The following CDH11 variants were observed in gnomAD, a reference collection of about 807,000 sequenced individuals.
CDH11 encodes the protein cadherin 11.
In CDH11, 11 loss-of-function variants were observed where a neutral mutation model predicts 67.8. The observed-to-expected ratio is 0.16, with a 90% confidence interval of 0.10 to 0.27. CDH11 has a LOEUF of 0.27. CDH11 is among the 10% of genes least tolerant of loss of function. The probability of loss-of-function intolerance (pLI) is 1.00; values close to 1 mark genes in which losing one functional copy is unlikely to be tolerated. For missense variants in CDH11, 847 were observed against 1,031.2 expected (o/e 0.82, Z 2.45); for synonymous variants, 419 against 400.0 (o/e 1.05, Z -0.57).
At chr16:64,991,744 T>C (rs2072633310) in intron 6 of CDH11, 24 bp downstream of exon 6, 1 of 1,587,076 alleles carries the variant, frequency 6.3e-7, no homozygotes, top group Non-Finnish European at 8.6e-7. Context: ...CATGGAAAAG[T>C]GAAAGCCAAG....
At chr16:65,046,355 T>C (rs1470249824) in intron 2 of CDH11, among the ~76,000 whole-genome samples, 1 of 152,136 alleles carries the variant, frequency 6.6e-6, no homozygotes, top group East Asian at 1.9e-4. Flanking sequence ...TGCTGAGCAC[T>C]TGAGGAGGCA....
chr16:64,982,323 T>G (rs200818571), intron 7 of CDH11, 22 bp from the exon 8 acceptor site: 1 of 1,586,680 alleles, frequency 6.3e-7, no homozygotes, highest in Non-Finnish European at 8.6e-7. Flanking sequence ...GAAGAGAAGA[T>G]TGACAACCAA....
intron 1 of CDH11, among the ~76,000 whole-genome samples, chr16:65,102,105 T>A (rs1010143369): frequency 6.6e-6 from 1 of 152,212 alleles, no homozygotes; most frequent in East Asian, 1.9e-4. Context: ...TTTTGCCCAA[T>A]GATTGCAAGT....
intron 3 of CDH11, among the ~76,000 whole-genome samples, chr16:65,003,996 G>A (rs1304662952): frequency 6.6e-6 from 1 of 152,190 alleles, no homozygotes; most frequent in Admixed American, 6.5e-5. Context: ...GGTGTGGTCA[G>A]GGAAATGCCT....
intron 1 of CDH11, among the ~76,000 whole-genome samples, chr16:65,114,172 C>G (rs2075204598): frequency 6.6e-6 from 1 of 152,150 alleles, no homozygotes; most frequent in Non-Finnish European, 1.5e-5. Flanking sequence ...AGGCTGTCAT[C>G]AGGACATTTA....
intron 3 of CDH11, among the ~76,000 whole-genome samples, chr16:65,004,414 A>G (rs1396520993): frequency 6.6e-6 from 1 of 152,184 alleles, no homozygotes; most frequent in African/African-American, 2.4e-5. Flanking sequence ...AACTCCCTAA[A>G]ACTAAATGGA....
chr16:65,040,240 A>G (rs533787126), intron 2 of CDH11, among the ~76,000 whole-genome samples: 2 of 152,350 alleles, frequency 1.3e-5, no homozygotes, highest in African/African-American at 2.4e-5. Flanking sequence ...ATGCTTCTAT[A>G]AAGACACATG....
chr16:65,008,724 C>A (rs1267334766), intron 2 of CDH11, among the ~76,000 whole-genome samples: 1 of 152,246 alleles, frequency 6.6e-6, no homozygotes, highest in African/African-American at 2.4e-5. Flanking sequence ...ACAATCACAA[C>A]TCTTGCCATT....
intron 2 of CDH11, among the ~76,000 whole-genome samples, chr16:65,036,414 G>A (rs1403938090): frequency 6.6e-6 from 1 of 152,006 alleles, no homozygotes; most frequent in African/African-American, 2.4e-5. Context: ...TTAATAGGAA[G>A]GTGCCTGCCA....
chr16:65,101,124 T>C (rs2074983706), intron 1 of CDH11, among the ~76,000 whole-genome samples: 1 of 152,252 alleles, frequency 6.6e-6, no homozygotes, highest in Admixed American at 6.5e-5. Context: ...AGAGGAACTA[T>C]GTTCTAATAA....
Position 65,049,066 on chromosome 16 carries a change from G to A in CDH11, c.-173+4738C>T, listed in dbSNP as rs1345561840. Among the ~76,000 whole-genome samples the A allele has an allele frequency of 2.0e-5, 3 of 152,066 alleles. No homozygotes were observed. The East Asian group carries it at 5.8e-4, about 29-fold the overall frequency. On this transcript the variant is annotated intron_variant, in intron 2 of 12. Transcript: ENST00000268603. ...GGGGACTCCAAAAAGGGAGGAGGAG[G>A]GTTGAAAAACTACTTATTGGGTATA...
chr16:65,115,064 A>T (rs891881688), intron 1 of CDH11, among the ~76,000 whole-genome samples: 2 of 152,220 alleles, frequency 1.3e-5, no homozygotes, highest in Non-Finnish European at 2.9e-5. Context: ...AATAGTAATG[A>T]GCCCCTTTTA....
At chr16:65,087,060 C>T (rs2074713978) in intron 1 of CDH11, among the ~76,000 whole-genome samples, 1 of 152,070 alleles carries the variant, frequency 6.6e-6, no homozygotes, top group Non-Finnish European at 1.5e-5. Context: ...CCAGCATGCC[C>T]TAGAATCTTT....
chr16:65,044,535 A>T (rs1203143069), intron 2 of CDH11, among the ~76,000 whole-genome samples: 1 of 152,108 alleles, frequency 6.6e-6, no homozygotes, highest in Non-Finnish European at 1.5e-5. Context: ...CTGAGGAATC[A>T]AGGCACTCTC....
intron 4 of CDH11, among the ~76,000 whole-genome samples, chr16:64,995,757 C>T (rs2072747594): frequency 6.6e-6 from 1 of 152,064 alleles, no homozygotes. Context: ...GACCTAATTA[C>T]ACTAAAGAGC....
chr16:64,992,703 T>G (rs549925724), intron 5 of CDH11, among the ~76,000 whole-genome samples: 1 of 152,392 alleles, frequency 6.6e-6, no homozygotes, highest in African/African-American at 2.4e-5. Context: ...TGGGTCATCG[T>G]GAAATATGGG....
intron 1 of CDH11, among the ~76,000 whole-genome samples, chr16:65,061,112 A>G (rs1368382235): frequency 2.0e-5 from 3 of 152,042 alleles, no homozygotes; most frequent in Non-Finnish European, 2.9e-5. Context: ...GTGCTTTTTT[A>G]TTTCTCCCAC....
intron 10 of CDH11, 37 bp downstream of exon 10, chr16:64,971,894 C>T: frequency 6.2e-7 from 1 of 1,610,144 alleles, no homozygotes; most frequent in Non-Finnish European, 8.5e-7. Context: ...TTTCCAAGTG[C>T]ATTGTTCCTA....
At chr16:64,967,525 C>T (rs1031619135) in intron 11 of CDH11, among the ~76,000 whole-genome samples, 3 of 151,942 alleles carry the variant, frequency 2.0e-5, no homozygotes, top group African/African-American at 2.4e-5. Context: ...AGATATTTGG[C>T]GAAGGTGTGG....
Sources: allele counts gnomAD v4.1 joint callset (sites outside exome capture counted in the v4.1 genomes callset), GRCh38; gene constraint gnomAD v4.1.1; transcripts MANE v1.5; gene names NCBI Gene and HGNC (gene_info 2026-07-23, HGNC 2026-07-21).